The following TAFA2 variants were observed in gnomAD, a reference collection of about 807,000 sequenced individuals.
TAFA2 encodes the protein chemokine-like protein TAFA-2.
A neutral mutation model predicts 18.8 loss-of-function variants in TAFA2; 7 were observed. The observed-to-expected ratio is 0.37, with a 90% CI of 0.21 to 0.70. The LOEUF (loss-of-function observed/expected upper bound fraction) is 0.70. Among genes scored for constraint, TAFA2 ranks in the 30% least tolerant of loss-of-function variants. The pLI is 0.53. For missense variants in TAFA2, 122 were observed against 158.1 expected (o/e 0.77, Z 1.23); for synonymous variants, 60 against 54.2 (o/e 1.11, Z -0.47).
At chr12:62,235,652 C>T (rs976537475) in intron 1 of TAFA2, 1 of 211,704 alleles carries the variant, frequency 4.7e-6, no homozygotes, top group African/African-American at 2.3e-5. Context: ...TACTGTCTTC[C>T]TCAGTGGTTA....
intron 1 of TAFA2, among the ~76,000 whole-genome samples, chr12:62,080,422 A>G (rs549023174): frequency 6.6e-6 from 1 of 152,298 alleles, no homozygotes; most frequent in South Asian, 2.1e-4. Context: ...GGGTTGTCTT[A>G]AAATTCTGCC....
At chr12:62,247,189 C>T (rs546683749) in intron 1 of TAFA2, among the ~76,000 whole-genome samples, 51 of 151,984 alleles carry the variant, frequency 3.4e-4, no homozygotes, top group Non-Finnish European at 6.5e-4. Flanking sequence ...ATCAGTGACC[C>T]TTAAATTTTT....
At chr12:62,215,642 AAC>A (rs1555198726) in intron 1 of TAFA2, among the ~76,000 whole-genome samples, 3 of 102,018 alleles carry the variant, frequency 2.9e-5, no homozygotes, top group Admixed American at 9.1e-5. Context: ...AAAAAAAAAA[AAC>A]AAGAGGAAGA....
chr12:61,895,434 A>T (rs1875800016), intron 1 of TAFA2, among the ~76,000 whole-genome samples: 1 of 152,150 alleles, frequency 6.6e-6, no homozygotes, highest in Admixed American at 6.5e-5. Flanking sequence ...CACACTAAAA[A>T]AGTGAAACAG....
chr12:61,762,648 T>TATATAC (rs1304496359), intron 2 of TAFA2, among the ~76,000 whole-genome samples: 4 of 150,344 alleles, frequency 2.7e-5, no homozygotes, highest in African/African-American at 4.9e-5. Flanking sequence ...TATATATATA[T>TATATAC]ATACATACAC....
chr12:61,826,338 C>CTGTGTGTGTGTGTGTGTG (rs57736074), intron 2 of TAFA2, among the ~76,000 whole-genome samples: 107 of 149,142 alleles, frequency 7.2e-4, no homozygotes, highest in African/African-American at 2.4e-3. Flanking sequence ...ATTAGTTCAT[C>CTGTGTGTGTGTGTGTGTG]TGTGTGTGTG....
Position 62,012,967 on chromosome 12 carries a change from C to G in TAFA2, c.-1-145541G>C, listed in dbSNP as rs75333448. On this transcript the variant is annotated intron_variant, in intron 1 of 4. Coordinates refer to ENST00000416284, the MANE Select transcript of TAFA2 (RefSeq NM_178539.5). ...GCCTCAATGCATACTTACATATTCT[C>G]CTTATTAAAATGCTGGAAATTAATT... 3.5e-3 allele frequency among the ~76,000 whole-genome samples: 529 copies of G among 152,232 alleles called. 4 individuals are homozygous for G. The highest frequency in any genetic ancestry group is 0.012 in the African/African-American group (509 of 41,556).
At chr12:62,162,697 A>G (rs1277075241) in intron 1 of TAFA2, among the ~76,000 whole-genome samples, 1 of 152,164 alleles carries the variant, frequency 6.6e-6, no homozygotes. Flanking sequence ...CTGCCTTGTC[A>G]ATTTGACTGG....
At chr12:61,736,574 A>G (rs550858058) in intron 4 of TAFA2, among the ~76,000 whole-genome samples, 101 of 152,126 alleles carry the variant, frequency 6.6e-4, no homozygotes, top group African/African-American at 2.3e-3. Flanking sequence ...AATACTTAAA[A>G]TAGACATTAG....
chr12:62,135,648 C>G (rs1245442), intron 1 of TAFA2, among the ~76,000 whole-genome samples: 3 of 152,070 alleles, frequency 2.0e-5, no homozygotes, highest in Middle Eastern at 3.4e-3. Flanking sequence ...AGGAAATAGG[C>G]TTTCTTTTTA....
chr12:62,097,265 AT>A (rs1466464961), intron 1 of TAFA2, among the ~76,000 whole-genome samples: 1 of 152,162 alleles, frequency 6.6e-6, no homozygotes, highest in Non-Finnish European at 1.5e-5. Context: ...AGGGGGAAGG[AT>A]AGAAAGGAGC....
At chr12:62,017,520 C>T (rs1880977957) in intron 1 of TAFA2, among the ~76,000 whole-genome samples, 1 of 152,116 alleles carries the variant, frequency 6.6e-6, no homozygotes. Flanking sequence ...GAATTAATAA[C>T]AGAATATATT....
intron 2 of TAFA2, among the ~76,000 whole-genome samples, chr12:61,779,175 T>C (rs528482412): frequency 6.6e-6 from 1 of 152,024 alleles, no homozygotes; most frequent in African/African-American, 2.4e-5. Context: ...ACGTTTTTCT[T>C]CTTAAATTAT....
At chr12:62,208,008 G>A (rs2136971421) in intron 1 of TAFA2, among the ~76,000 whole-genome samples, 1 of 152,292 alleles carries the variant, frequency 6.6e-6, no homozygotes, top group Admixed American at 6.5e-5. Flanking sequence ...CAAGGAGGAT[G>A]AAGTGAGATG....
chr12:62,148,502 C>G (rs2062303699), intron 1 of TAFA2, among the ~76,000 whole-genome samples: 1 of 152,194 alleles, frequency 6.6e-6, no homozygotes, highest in East Asian at 1.9e-4. Context: ...TCAGTACACA[C>G]AGACATAAAG....
At chr12:62,259,422 C>A (rs1472637776), upstream of TAFA2, 1 of 152,234 alleles carries the variant, frequency 6.6e-6, no homozygotes, top group East Asian at 1.9e-4. Context: ...GAAGGAGAGG[C>A]AGTGAGTGTG....
chr12:62,228,432 T>C (rs1239356953), intron 1 of TAFA2, among the ~76,000 whole-genome samples: 1 of 152,204 alleles, frequency 6.6e-6, no homozygotes. Context: ...AAATGGTATT[T>C]CAATTTCCAG....
At chr12:61,904,948 G>A (rs1329447168) in intron 1 of TAFA2, among the ~76,000 whole-genome samples, 1 of 152,116 alleles carries the variant, frequency 6.6e-6, no homozygotes, top group East Asian at 1.9e-4. Context: ...CAATGAAGAT[G>A]TTTTTAAACA....
chr12:62,240,058 G>A (rs1348875243), intron 1 of TAFA2, among the ~76,000 whole-genome samples: 2 of 150,856 alleles, frequency 1.3e-5, no homozygotes, highest in Non-Finnish European at 3.0e-5. Flanking sequence ...AAATATATAT[G>A]TTGCATAATT....
Sources: allele counts gnomAD v4.1 joint callset (sites outside exome capture counted in the v4.1 genomes callset), GRCh38; gene constraint gnomAD v4.1.1; transcripts MANE v1.5; gene names NCBI Gene and HGNC (gene_info 2026-07-23, HGNC 2026-07-21).